Variants in KDM5B observed in about 807,000 individuals in gnomAD.
KDM5B encodes lysine-specific demethylase 5B.
Under a neutral mutation model 193.4 loss-of-function variants are expected in KDM5B, and 144 were observed. The ratio of observed to expected loss-of-function variants is 0.74; its 90% CI spans 0.65 to 0.86. KDM5B has a LOEUF of 0.86. Ranked by LOEUF, KDM5B falls within the 40% of genes least tolerant of loss-of-function variation. The pLI, the probability that KDM5B is intolerant of heterozygous loss-of-function variation, is 0.00. For missense variants in KDM5B, 1,833 were observed against 1,886.9 expected (o/e 0.97, Z 0.53); for synonymous variants, 668 against 682.6 (o/e 0.98, Z 0.33).
chr1:202,790,355 T>C (rs936608855), intron 1 of KDM5B, among the ~76,000 whole-genome samples: 2 of 152,132 alleles, frequency 1.3e-5, no homozygotes, highest in Non-Finnish European at 2.9e-5. Context: ...ACCAAGTGGA[T>C]TGCTTGAGCC....
intron 2 of KDM5B, 34 bp downstream of exon 2, chr1:202,776,983 A>G: frequency 1.5e-6 from 2 of 1,367,332 alleles, no homozygotes; most frequent in Non-Finnish European, 2.1e-6. Flanking sequence ...TCCCCCTGGA[A>G]TACAGGCAAA....
intron 18 of KDM5B, 109 bp from the exon 19 acceptor site, chr1:202,741,831 G>T (rs995102314): frequency 1.5e-6 from 1 of 650,794 alleles, no homozygotes; most frequent in Non-Finnish European, 2.6e-6. Flanking sequence ...TTTAATTTTA[G>T]TAATAATATA....
At position 202,728,736 on chromosome 1, in the gene KDM5B, G is replaced by C. The variant is rs1654760911; in HGVS notation, c.*300C>G. The C allele has an allele frequency of 3.6e-6, 1 of 276,410 alleles. No homozygotes were observed. The highest frequency in any genetic ancestry group is 6.9e-6 in the Non-Finnish European group (1 of 144,170). 17.1% of individuals were successfully genotyped at this position (276,410 alleles called of 1,614,324 possible). Reference sequence around the variant, plus strand: ...AAATTTTAATGCTGTACATGAAAAGGTGCAAGCTTCAATGCCTTCCAAATT... The same window carrying C: ...AAATTTTAATGCTGTACATGAAAAGCTGCAAGCTTCAATGCCTTCCAAATT... On this transcript the variant is annotated 3_prime_UTR_variant, in exon 27 of 27. Transcript: ENST00000367265.
chr1:202,800,308 C>T (rs1426578015), intron 1 of KDM5B, among the ~76,000 whole-genome samples: 1 of 151,742 alleles, frequency 6.6e-6, no homozygotes, highest in Non-Finnish European at 1.5e-5. Context: ...TCCCAAAGTG[C>T]TGAGATTACA....
intron 1 of KDM5B, among the ~76,000 whole-genome samples, chr1:202,780,697 A>G (rs1235654849): frequency 6.6e-6 from 1 of 152,008 alleles, no homozygotes; most frequent in Admixed American, 6.6e-5. Flanking sequence ...TATTCTAAAT[A>G]TGGAAAGATA....
intron 1 of KDM5B, among the ~76,000 whole-genome samples, chr1:202,786,193 G>C (rs1416697118): frequency 4.5e-4 from 5 of 11,156 alleles, no homozygotes; most frequent in South Asian, 5.7e-3. Flanking sequence ...ACGGGGGGTG[G>C]GGGGGGGGGT....
intron 17 of KDM5B, 38 bp downstream of exon 17, chr1:202,742,617 G>A (rs1345910728): frequency 6.2e-7 from 1 of 1,611,190 alleles, no homozygotes. Context: ...AAACATAGGT[G>A]CCAAAGAATC....
chr1:202,804,503 A>G (rs1477645536), intron 1 of KDM5B, among the ~76,000 whole-genome samples: 1 of 152,192 alleles, frequency 6.6e-6, no homozygotes, highest in African/African-American at 2.4e-5. Context: ...CCATACAAAG[A>G]AGTGTATAAG....
rs145220361 is a variant in KDM5B, at chr1:202,772,289, C to G, written c.576+829G>C. Among the ~76,000 whole-genome samples, 139 of 152,244 alleles carry G rather than the reference C, an allele frequency of 9.1e-4. 1 individual carries two copies. In the East Asian group the frequency reaches 0.017, roughly 19 times the overall value. ...GGAAGCTTTTACAGTACTGTTTTAC[C>G]TAAAAGTTTTTAAGTGAATAATTTC... On this transcript the variant is annotated intron_variant, in intron 4 of 26. Transcript: ENST00000367265.
At chr1:202,744,576 A>T (rs968519615) in intron 16 of KDM5B, among the ~76,000 whole-genome samples, 8 of 152,114 alleles carry the variant, frequency 5.3e-5, no homozygotes, top group African/African-American at 1.4e-4. Flanking sequence ...AACAAAAACA[A>T]ACAAAAAAAA....
At chr1:202,749,686 C>T (rs999630279) in intron 13 of KDM5B, among the ~76,000 whole-genome samples, 1 of 151,030 alleles carries the variant, frequency 6.6e-6, no homozygotes, top group African/African-American at 2.4e-5. Flanking sequence ...AAAAAAAAGA[C>T]CCAGCATATT....
At position 202,726,066 on chromosome 1, in the gene KDM5B, G is replaced by A. The variant is rs1467805641; in HGVS notation, c.*2970C>T. The A allele has an allele frequency of 6.6e-6, 1 of 151,270 alleles. No homozygotes were observed. The highest frequency in any genetic ancestry group is 1.5e-5 in the Non-Finnish European group (1 of 67,764). 9.4% of individuals were successfully genotyped at this position (151,270 alleles called of 1,614,324 possible). On this transcript the variant is annotated 3_prime_UTR_variant, in exon 27 of 27. Transcript: ENST00000367265. Reference sequence around the variant, plus strand: ...GAGAGCCATGTTTCACCCTCTTCCAGGTAGAGATCTACTCTATTCTTAGGC... The same window carrying A: ...GAGAGCCATGTTTCACCCTCTTCCAAGTAGAGATCTACTCTATTCTTAGGC...
chr1:202,739,912 CT>C (rs1655241130), intron 20 of KDM5B, among the ~76,000 whole-genome samples: 1 of 152,238 alleles, frequency 6.6e-6, no homozygotes, highest in African/African-American at 2.4e-5. Context: ...ATTTCTCAAT[CT>C]TTTCCCCACC....
chr1:202,797,698 T>A (rs996114128), intron 1 of KDM5B, among the ~76,000 whole-genome samples: 1 of 152,206 alleles, frequency 6.6e-6, no homozygotes, highest in Non-Finnish European at 1.5e-5. Context: ...ATCCTTCTAT[T>A]TGCGTGGCTT....
chr1:202,780,667 T>C (rs1182505485), intron 1 of KDM5B, among the ~76,000 whole-genome samples: 1 of 151,746 alleles, frequency 6.6e-6, no homozygotes, highest in Non-Finnish European at 1.5e-5. Context: ...ACCACTCAGC[T>C]ATAATAAAAA....
intron 2 of KDM5B, 59 bp downstream of exon 2, chr1:202,776,958 T>C: frequency 2.1e-5 from 22 of 1,070,802 alleles, no homozygotes; most frequent in Non-Finnish European, 3.0e-5. Context: ...TATATCGTAA[T>C]AATTTCAAAG....
Position 202,730,970 on chromosome 1 carries a change from G to C in KDM5B, c.4115C>G (p.Ala1372Gly). 1 of 1,613,866 alleles carries C rather than the reference G, an allele frequency of 6.2e-7. No homozygotes were observed. Among genetic ancestry groups the C allele is most frequent in the Non-Finnish European group, 8.5e-7 (1 of 1,179,850 alleles). Residue 1372 changes from alanine (A) to glycine (G), a missense_variant, in exon 25 of 27, where the codon GCA becomes GGA. This residue lies in a region of KDM5B where 1,379 missense variants were observed against 1,349.6 expected (regional missense o/e 1.02). Transcript: ENST00000367265. ...AGTCTGCTGAGCAGGGCTTGGCTTT[G>C]CAAGTAAAGTCTGGTAAAGTTCCTG... ...EIQELYQTLL[A>G]KPSPAQQTDR...
intron 24 of KDM5B, among the ~76,000 whole-genome samples, chr1:202,731,373 G>C (rs1654877813): frequency 6.6e-6 from 1 of 152,230 alleles, no homozygotes; most frequent in Non-Finnish European, 1.5e-5. Flanking sequence ...CTAACAGAAA[G>C]CACAGAAACA....
intron 7 of KDM5B, among the ~76,000 whole-genome samples, chr1:202,761,611 C>A (rs1656252083): frequency 6.6e-6 from 1 of 152,044 alleles, no homozygotes; most frequent in Non-Finnish European, 1.5e-5. Context: ...GGAAATGAGT[C>A]CTTACGGAGG....
Sources: gnomAD v4.1 joint callset for allele counts (sites outside exome capture counted in the v4.1 genomes callset) on GRCh38, gnomAD v4.1.1 for gene constraint, gnomAD v4.1.1 regional missense constraint, MANE v1.5 for transcripts, NCBI Gene and HGNC (gene_info 2026-07-23, HGNC 2026-07-21) for gene names.